SGCD: variants seen among roughly 807,000 people sequenced by gnomAD.
The protein encoded by SGCD is sarcoglycan delta, also known as delta-sarcoglycan.
Under a neutral mutation model 36.6 loss-of-function variants are expected in SGCD, and 18 were observed. That is an observed-to-expected ratio of 0.49 (90% CI 0.34 to 0.73). The LOEUF is 0.73. Ranked by LOEUF, SGCD falls within the 30% of genes least tolerant of loss-of-function variation. SGCD has a pLI of 0.01. For missense variants in SGCD, 387 were observed against 346.7 expected, an observed-to-expected ratio of 1.12 and a Z score of -0.92; for synonymous variants, 133 against 130.6, an observed-to-expected ratio of 1.02 and a Z score of -0.12.
At chr5:156,358,155 T>C (rs1769583827) in intron 3 of SGCD, among the ~76,000 whole-genome samples, 2 of 152,226 alleles carry the variant, frequency 1.3e-5, no homozygotes, top group South Asian at 4.1e-4. Context: ...GGAAGTATTG[T>C]CCATAAAACC....
intron 1 of SGCD, among the ~76,000 whole-genome samples, chr5:155,949,542 A>C (rs1311795000): frequency 6.6e-6 from 1 of 152,164 alleles, no homozygotes; most frequent in East Asian, 1.9e-4. Flanking sequence ...AAGAAGTTGA[A>C]TCTAGAAATT....
the SGCD span, among the ~76,000 whole-genome samples, chr5:155,855,053 C>G: frequency 6.6e-6 from 1 of 152,146 alleles, no homozygotes; most frequent in Non-Finnish European, 1.5e-5. Context: ...CCACCACTTT[C>G]GGTTCTTCTC....
chr5:156,260,086 G>T (rs1409969755), intron 3 of SGCD, among the ~76,000 whole-genome samples: 1 of 152,014 alleles, frequency 6.6e-6, no homozygotes, highest in Non-Finnish European at 1.5e-5. Context: ...ATTTCTATTG[G>T]TTACCTGTAC....
chr5:156,719,499 A>T (rs945282798), intron 7 of SGCD, among the ~76,000 whole-genome samples: 36 of 152,276 alleles, frequency 2.4e-4, no homozygotes, highest in African/African-American at 8.7e-4. Flanking sequence ...ACCATTAGAG[A>T]TTGTAACCTG....
chr5:156,441,334 A>ATGAGACATATGTCTCATATGAG (rs200058418), intron 3 of SGCD, among the ~76,000 whole-genome samples: 1 of 150,638 alleles, frequency 6.6e-6, no homozygotes, highest in South Asian at 2.1e-4. Context: ...TGAGCAAATT[A>ATGAGACATATGTCTCATATGAG]ACATATGTCT....
At chr5:156,588,470 G>A (rs1463154200) in intron 4 of SGCD, among the ~76,000 whole-genome samples, 1 of 152,028 alleles carries the variant, frequency 6.6e-6, no homozygotes. Flanking sequence ...GTTACAACAG[G>A]GACATACATC....
At chr5:155,775,443 A>T in the SGCD span, among the ~76,000 whole-genome samples, 1 of 152,166 alleles carries the variant, frequency 6.6e-6, no homozygotes, top group Non-Finnish European at 1.5e-5. Flanking sequence ...TTTGCCCAAA[A>T]TTAGACAACT....
intron 4 of SGCD, among the ~76,000 whole-genome samples, chr5:156,584,354 A>G (rs1193777259): frequency 6.6e-6 from 1 of 152,164 alleles, no homozygotes; most frequent in Non-Finnish European, 1.5e-5. Flanking sequence ...TGAGACTGCA[A>G]TTATATGATC....
rs868262924 is a variant in SGCD at position 156,304,417 on chromosome 5, C to T, written c.-43-25117C>T. 3.3e-5 allele frequency among the ~76,000 whole-genome samples: 5 copies of T among 152,208 alleles called. No individual in the cohort carries two copies. The East Asian group carries it at 5.8e-4, about 18-fold the overall frequency. On this transcript the variant is annotated intron_variant, in intron 3 of 9. Coordinates refer to the SGCD transcript ENST00000517913. ...CTATAATGGGGAGTTTCCCTGCAAACACTCTCTCTTTGCCTATTGCCATCC... is the reference window on the plus strand; with the variant it reads ...CTATAATGGGGAGTTTCCCTGCAAATACTCTCTCTTTGCCTATTGCCATCC...
chr5:156,237,266 C>T (rs1383818061), intron 3 of SGCD, among the ~76,000 whole-genome samples: 5 of 152,196 alleles, frequency 3.3e-5, no homozygotes, highest in Admixed American at 6.5e-5. Context: ...GTTCTGTTCT[C>T]ATTTTTCTCC....
intron 3 of SGCD, among the ~76,000 whole-genome samples, chr5:156,490,011 A>C (rs1414886913): frequency 6.6e-6 from 1 of 152,068 alleles, no homozygotes; most frequent in African/African-American, 2.4e-5. Flanking sequence ...TCAAATAATT[A>C]AAATTAGAAA....
intron 2 of SGCD, among the ~76,000 whole-genome samples, chr5:156,118,582 GA>G (rs1299110652): frequency 1.1e-4 from 17 of 152,102 alleles, no homozygotes; most frequent in African/African-American, 4.1e-4. Context: ...AAGTTTATGA[GA>G]GACACATATT....
chr5:156,458,462 C>T (rs1443624024), intron 3 of SGCD: 5 of 1,610,160 alleles, frequency 3.1e-6, no homozygotes, highest in Non-Finnish European at 4.2e-6. Context: ...ATCCCCATGG[C>T]AGCTCATCCC....
intron 6 of SGCD, among the ~76,000 whole-genome samples, chr5:156,622,181 C>G (rs1762276401): frequency 6.6e-6 from 1 of 152,014 alleles, no homozygotes; most frequent in African/African-American, 2.4e-5. Flanking sequence ...ACCTGTAATC[C>G]CAACGCTTGG....
chr5:155,903,940 C>A (rs558382785), intron 1 of SGCD, among the ~76,000 whole-genome samples: 5 of 152,126 alleles, frequency 3.3e-5, no homozygotes, highest in African/African-American at 1.2e-4. Context: ...GCTTTGGCTG[C>A]GTGTCAGAAG....
chr5:156,195,524 G>T (rs1764003451), intron 3 of SGCD, among the ~76,000 whole-genome samples: 1 of 152,204 alleles, frequency 6.6e-6, no homozygotes, highest in South Asian at 2.1e-4. Context: ...ATGCAGGAAA[G>T]TGCCAGGAGA....
At chr5:156,057,933 T>C (rs1410245984) in intron 1 of SGCD, among the ~76,000 whole-genome samples, 1 of 146,312 alleles carries the variant, frequency 6.8e-6, no homozygotes. Context: ...GTCTTACATA[T>C]ACAGGGTATA....
chr5:156,270,627 T>A (rs1430193986), intron 3 of SGCD, among the ~76,000 whole-genome samples: 1 of 152,140 alleles, frequency 6.6e-6, no homozygotes, highest in African/African-American at 2.4e-5. Flanking sequence ...TTCAGAGGTA[T>A]GTGATATGTT....
the SGCD span, among the ~76,000 whole-genome samples, chr5:155,770,381 G>C: frequency 6.6e-6 from 1 of 151,638 alleles, no homozygotes; most frequent in Non-Finnish European, 1.5e-5. Context: ...GGGGTGGGTG[G>C]GAAGAACATT....
Sources: gnomAD v4.1 joint callset for allele counts (sites outside exome capture counted in the v4.1 genomes callset) on GRCh38, gnomAD v4.1.1 for gene constraint, MANE v1.5 for transcripts, NCBI Gene and HGNC (gene_info 2026-07-23, HGNC 2026-07-21) for gene names.